Variants in NEBL observed in about 807,000 individuals in gnomAD.
The protein encoded by NEBL is LIM and SH3 protein 2.
NEBL carries 122 observed loss-of-function variants against 140.2 expected under a neutral mutation model. That is an observed-to-expected ratio of 0.87 (90% CI 0.75 to 1.01). NEBL has a LOEUF of 1.01. Ranked by LOEUF, NEBL falls within the 50% of genes least tolerant of loss-of-function variation. The probability of loss-of-function intolerance (pLI) is 0.00; values close to 1 mark genes in which losing one functional copy is unlikely to be tolerated. For synonymous variants in NEBL, 436 were observed against 398.9 expected, an observed-to-expected ratio of 1.09 and a Z score of -1.11; for missense variants, 1,365 against 1,231.3, an observed-to-expected ratio of 1.11 and a Z score of -1.62.
chr10:21,281,463 C>T (rs1288243273), intron 1 of NEBL, among the ~76,000 whole-genome samples: 2 of 147,198 alleles, frequency 1.4e-5, no homozygotes, highest in African/African-American at 2.5e-5. Context: ...CTCTCTGCTG[C>T]TTGTCTTTCC....
Position 21,204,315 on chromosome 10 carries a change from C to T in NEBL, n.349-31838G>A, listed in dbSNP as rs138523754. Among the ~76,000 whole-genome samples, 477 of 152,198 alleles carry T rather than the reference C, an allele frequency of 3.1e-3. 4 individuals carry two copies. Among genetic ancestry groups the T allele is most frequent in the East Asian group, 0.01 (52 of 5,172 alleles). ...CGTTGGAGCTCTAACCCCAGTGTGACGGTATTTGGAGTAAGGAAGTAGTTA... is the reference window on the plus strand; with the variant it reads ...CGTTGGAGCTCTAACCCCAGTGTGATGGTATTTGGAGTAAGGAAGTAGTTA... On this transcript the variant is annotated intron_variant and non_coding_transcript_variant, in intron 3 of 8. Transcript: ENST00000675702.
At chr10:21,108,178 C>A (rs1484389486) in intron 2 of NEBL, among the ~76,000 whole-genome samples, 1 of 152,036 alleles carries the variant, frequency 6.6e-6, no homozygotes, top group African/African-American at 2.4e-5. Context: ...CTGCTCTGAT[C>A]TTAGTTATTT....
At chr10:20,967,939 G>C (rs144525190) in intron 3 of NEBL, among the ~76,000 whole-genome samples, 96 of 152,242 alleles carry the variant, frequency 6.3e-4, no homozygotes, top group African/African-American at 2.2e-3. Context: ...GGAACCCAGA[G>C]ATTAGACAAA....
intron 2 of NEBL, among the ~76,000 whole-genome samples, chr10:21,151,713 G>T (rs867022404): frequency 6.6e-6 from 1 of 151,936 alleles, no homozygotes; most frequent in African/African-American, 2.4e-5. Context: ...CACGCCCCAG[G>T]TTCACTCCGT....
upstream of NEBL, chr10:20,899,720 A>G (rs968477147): frequency 4.2e-6 from 1 of 238,356 alleles, no homozygotes; most frequent in African/African-American, 2.3e-5. Flanking sequence ...TCATTTGTTC[A>G]ACAAATAAAT....
chr10:21,114,828 CTT>C (rs879660859), intron 2 of NEBL, among the ~76,000 whole-genome samples: 1 of 144,654 alleles, frequency 6.9e-6, no homozygotes, highest in Admixed American at 6.9e-5. Flanking sequence ...TTGGGTCCTG[CTT>C]TTTTTTTTTA....
At chr10:20,893,561 G>T (rs1847205838) in intron 2 of NEBL, among the ~76,000 whole-genome samples, 1 of 152,136 alleles carries the variant, frequency 6.6e-6, no homozygotes, top group African/African-American at 2.4e-5. Context: ...CCAAAGTGAA[G>T]CCACTTGACC....
Position 20,840,796 on chromosome 10 carries a change from A to C in NEBL, c.1281T>G (p.Leu427=). Residue 427 remains leucine (L), a synonymous_variant, in exon 13 of 28, where the codon CTT becomes CTG. Coordinates refer to ENST00000377122, the MANE Select transcript of NEBL (RefSeq NM_006393.3). The part of the protein sequence containing the change: ...ENEIKGKGME[L]NSEVLDIQRA... ...TTTGGATATCAAGAACTTCTGAATT[A>C]AGTTCCATTCCTTTCCCTTTTATCT... 1 of 1,611,806 alleles carries C rather than the reference A, an allele frequency of 6.2e-7. No individual in the cohort carries two copies.
chr10:21,109,535 C>T (rs1837875965), intron 2 of NEBL, among the ~76,000 whole-genome samples: 1 of 152,008 alleles, frequency 6.6e-6, no homozygotes, highest in Non-Finnish European at 1.5e-5. Context: ...GGGAGGATTC[C>T]CTCTTTTTCT....
intron 2 of NEBL, among the ~76,000 whole-genome samples, chr10:21,148,078 T>C (rs1839978202): frequency 6.6e-6 from 1 of 152,198 alleles, no homozygotes; most frequent in Non-Finnish European, 1.5e-5. Context: ...TAGAAGAATT[T>C]ACAGTAGAGA....
At chr10:21,263,452 C>T (rs1478745730) in intron 1 of NEBL, among the ~76,000 whole-genome samples, 1 of 151,922 alleles carries the variant, frequency 6.6e-6, no homozygotes, top group Non-Finnish European at 1.5e-5. Context: ...ATCTGGGTGG[C>T]AGTAAGAGTC....
At chr10:20,969,874 G>C (rs990423175) in intron 3 of NEBL, among the ~76,000 whole-genome samples, 1 of 151,992 alleles carries the variant, frequency 6.6e-6, no homozygotes, top group South Asian at 2.1e-4. Flanking sequence ...TTCTCAATCA[G>C]TTAAGATAAT....
In NEBL at chr10:21,078,907, T is replaced by C. The variant is rs567569944; in HGVS notation, c.165-58706A>G. On this transcript the variant is annotated intron_variant, in intron 2 of 6. Coordinates refer to the NEBL transcript ENST00000417816. The stretch of plus-strand genomic sequence containing the variant: ...CCAGTTTGCTCCCAGATCCAGGGGA[T>C]GAGTGTATCCACTGATCCAACCTTA... Among the ~76,000 whole-genome samples, 13 of 152,346 alleles carry C rather than the reference T, an allele frequency of 8.5e-5. 1 individual carries two copies. The highest frequency in any genetic ancestry group is 3.1e-4 in the African/African-American group (13 of 41,580).
In NEBL at chr10:21,240,286, G is replaced by A. The variant is rs528619403; in HGVS notation, n.348+7635C>T. On this transcript the variant is annotated intron_variant and non_coding_transcript_variant, in intron 3 of 8. Transcript: ENST00000675702. ...AAAATCCCTTTGTTAGTTTAGGATC[G>A]TAGAGATTCGTTGCATGTAAGTATA... 1.4e-4 allele frequency among the ~76,000 whole-genome samples: 22 copies of A among 152,238 alleles called. No individual in the cohort carries two copies. The East Asian group carries it at 1.5e-3, about 11-fold the overall frequency.
intron 14 of NEBL, among the ~76,000 whole-genome samples, chr10:20,833,352 T>G (rs1190430935): frequency 6.6e-6 from 1 of 151,928 alleles, no homozygotes; most frequent in Non-Finnish European, 1.5e-5. Context: ...TCCATTGACT[T>G]TATTTGAAAA....
chr10:20,941,205 A>G (rs1038793802), intron 4 of NEBL, among the ~76,000 whole-genome samples: 15 of 152,190 alleles, frequency 9.9e-5, no homozygotes, highest in Admixed American at 3.9e-4. Flanking sequence ...CTGGCAAACC[A>G]AATCCAGCAG....
At chr10:20,911,121 G>C (rs1848314425) in intron 4 of NEBL, among the ~76,000 whole-genome samples, 1 of 152,022 alleles carries the variant, frequency 6.6e-6, no homozygotes, top group Non-Finnish European at 1.5e-5. Context: ...CAGTAATTGT[G>C]TCACTGCACT....
intron 2 of NEBL, among the ~76,000 whole-genome samples, chr10:21,141,791 A>T (rs1839642679): frequency 6.6e-6 from 1 of 152,190 alleles, no homozygotes; most frequent in African/African-American, 2.4e-5. Context: ...TTGAACCCAA[A>T]ATTGATAACA....
chr10:21,132,996 T>A (rs1026735090), intron 2 of NEBL, among the ~76,000 whole-genome samples: 1 of 152,194 alleles, frequency 6.6e-6, no homozygotes, highest in South Asian at 2.1e-4. Flanking sequence ...AAGTCTAATT[T>A]GTATTTCCTT....
Sources: gnomAD v4.1 joint callset for allele counts (sites outside exome capture counted in the v4.1 genomes callset) on GRCh38, gnomAD v4.1.1 for gene constraint, MANE v1.5 for transcripts, NCBI Gene and HGNC (gene_info 2026-07-23, HGNC 2026-07-21) for gene names.